FAM193B: variants seen among roughly 807,000 people sequenced by gnomAD.
The protein encoded by FAM193B is protein FAM193B.
A neutral mutation model predicts 70.7 loss-of-function variants in FAM193B; 27 were observed. The observed-to-expected ratio is 0.38, with a 90% CI of 0.28 to 0.53. The LOEUF is 0.53. FAM193B is among the 20% of genes least tolerant of loss of function. FAM193B has a pLI of 0.81. For synonymous variants in FAM193B, 448 were observed against 436.0 expected (o/e 1.03, Z -0.34); for missense variants, 1,022 against 1,072.5 (o/e 0.95, Z 0.66).
intron 5 of FAM193B, chr5:177,531,188 C>T: frequency 8.5e-7 from 1 of 1,172,590 alleles, no homozygotes; most frequent in Non-Finnish European, 1.1e-6. Context: ...AGGCCTTTGG[C>T]AGCCAGCATC....
chr5:177,531,175 C>G, intron 5 of FAM193B: 1 of 1,148,336 alleles, frequency 8.7e-7, no homozygotes, highest in Non-Finnish European at 1.1e-6. Flanking sequence ...GTGAGCCAAG[C>G]TGAGGCCTTT....
At position 177,524,308 on chromosome 5, in the gene FAM193B, C is replaced by A. The variant is rs1762246340; in HGVS notation, c.2173G>T (p.Ala725Ser). 6.3e-7 allele frequency: 1 copy of A among 1,585,098 alleles called. No individual in the cohort carries two copies. Among genetic ancestry groups the A allele is most frequent in the Non-Finnish European group, 8.6e-7 (1 of 1,165,500 alleles). The change falls in exon 6 of 9, where the codon GCA becomes TCA. Residue 725 changes from alanine to serine, a missense_variant. Ala to Ser is a moderately conservative substitution (Grantham distance 99). Transcript: ENST00000514747. ...SWRNWPGEAK[A>S]RPQEQESVQP... Reference sequence around the variant, plus strand: ...ACAGACTCCTGCTCCTGAGGCCGTGCCTTGGCCTCGCCTGGCCAGTTTCGC... The same window carrying A: ...ACAGACTCCTGCTCCTGAGGCCGTGACTTGGCCTCGCCTGGCCAGTTTCGC...
intron 1 of FAM193B, among the ~76,000 whole-genome samples, chr5:177,543,481 G>A (rs1765088131): frequency 6.6e-6 from 1 of 152,230 alleles, no homozygotes; most frequent in Non-Finnish European, 1.5e-5. Flanking sequence ...GTACACTTGA[G>A]TCCTTCTTTG....
At chr5:177,545,241 A>G (rs1744127270) in intron 1 of FAM193B, among the ~76,000 whole-genome samples, 1 of 152,004 alleles carries the variant, frequency 6.6e-6, no homozygotes, top group Non-Finnish European at 1.5e-5. Flanking sequence ...ACAGGGTTTC[A>G]CCATGTTGGC....
Position 177,544,144 on chromosome 5 carries a change from T to G in FAM193B, c.211-4997A>C, listed in dbSNP as rs78991052. On this transcript the variant is annotated intron_variant, in intron 1 of 8. Coordinates refer to ENST00000514747, the MANE Select transcript of FAM193B (RefSeq NM_001190946.3). Reference sequence around the variant, plus strand: ...TTCTTCACTCTAAGCATAACCAGAATCTCTGGAGAGTGTGAGATTACTCAC... The same window carrying G: ...TTCTTCACTCTAAGCATAACCAGAAGCTCTGGAGAGTGTGAGATTACTCAC... 3.4e-4 allele frequency among the ~76,000 whole-genome samples: 52 copies of G among 152,314 alleles called. No individual in the cohort carries two copies. In the East Asian group the frequency reaches 0.01, roughly 29 times the overall value.
rs1766751684 is a variant in FAM193B at position 177,554,283 on chromosome 5, T to C, written c.176A>G (p.Glu59Gly). The change falls in exon 1 of 9, where the codon GAG becomes GGG. Residue 59 changes from glutamate to glycine, a missense_variant. Glu to Gly is a moderately conservative substitution (Grantham distance 98). Coordinates refer to ENST00000514747, the MANE Select transcript of FAM193B (RefSeq NM_001190946.3). ...GGGCACCAGGTTGGGTTCGTCATCC[T>C]CCCTGGGGCCGTCGTGGTCGGGCTC... The part of the protein sequence containing the change: ...PAEPDHDGPR[E>G]DDEPNLVPGP... 1.4e-6 allele frequency: 2 copies of C among 1,418,132 alleles called. No homozygotes were observed. Among genetic ancestry groups the C allele is most frequent in the African/African-American group, 1.5e-5 (1 of 67,506 alleles). 87.8% of individuals were successfully genotyped at this position (1,418,132 alleles called of 1,614,324 possible).
At chr5:177,531,561 C>A in intron 5 of FAM193B, 1 of 1,233,350 alleles carries the variant, frequency 8.1e-7, no homozygotes, top group East Asian at 5.7e-5. Flanking sequence ...CACCCTGGGC[C>A]TGGGGGGCCC....
intron 1 of FAM193B, among the ~76,000 whole-genome samples, chr5:177,542,600 T>G (rs942354503): frequency 1.3e-5 from 2 of 152,250 alleles, no homozygotes; most frequent in African/African-American, 4.8e-5. Context: ...AAATAATCTC[T>G]GCCTTTTTCT....
intron 7 of FAM193B, 135 bp downstream of exon 7, chr5:177,523,822 G>T: frequency 1.1e-6 from 1 of 925,392 alleles, no homozygotes; most frequent in Non-Finnish European, 1.7e-6. Context: ...GAGGGCCTGG[G>T]GGGGCGGTGA....
intron 4 of FAM193B, among the ~76,000 whole-genome samples, chr5:177,535,735 T>TA (rs1764085154): frequency 6.6e-6 from 1 of 152,198 alleles, no homozygotes; most frequent in African/African-American, 2.4e-5. Flanking sequence ...GACATAATGT[T>TA]AAAAAATTAC....
intron 1 of FAM193B, among the ~76,000 whole-genome samples, chr5:177,548,546 C>T (rs778524310): frequency 6.6e-5 from 10 of 152,192 alleles, no homozygotes; most frequent in Non-Finnish European, 1.5e-4. Flanking sequence ...TCAAAGATCC[C>T]CCTGGCACCC....
intron 1 of FAM193B, among the ~76,000 whole-genome samples, chr5:177,550,970 T>C (rs1431295319): frequency 6.6e-6 from 1 of 151,546 alleles, no homozygotes; most frequent in African/African-American, 2.4e-5. Flanking sequence ...GCTGAGACTA[T>C]AGGTGTGAAC....
At chr5:177,548,105 C>CT (rs930603473) in intron 1 of FAM193B, among the ~76,000 whole-genome samples, 5 of 152,102 alleles carry the variant, frequency 3.3e-5, no homozygotes, top group South Asian at 2.1e-4. Flanking sequence ...TTTTTCTTCT[C>CT]TTTTTTTTAG....
rs1762237035 is a variant in FAM193B at position 177,524,274 on chromosome 5, G to A, written c.2207C>T (p.Ser736Leu). 1.3e-6 allele frequency: 2 copies of A among 1,577,736 alleles called. No individual in the cohort carries two copies. The highest frequency in any genetic ancestry group is 1.4e-5 in the African/African-American group (1 of 73,916). The change falls in exon 6 of 9, where the codon TCA (serine) becomes TTA (leucine). Residue 736 changes from serine (S) to leucine (L), a missense_variant. By Grantham distance (145) the Ser-to-Leu change is moderately radical. Coordinates refer to ENST00000514747, the MANE Select transcript of FAM193B (RefSeq NM_001190946.3). The stretch of plus-strand genomic sequence containing the variant: ...CAAGCTCTGTGGCCTTGCTGGGCCT[G>A]AGGGCTGCACAGACTCCTGCTCCTG... Reference protein sequence around the residue: ...RPQEQESVQPSGPARPQSLPQ... With the variant: ...RPQEQESVQPLGPARPQSLPQ...
chr5:177,538,788 T>A lies in FAM193B; in HGVS notation c.453+117A>T. The A allele has an allele frequency of 2.9e-6, 4 of 1,375,508 alleles. No homozygotes were observed. Among genetic ancestry groups the A allele is most frequent in the Non-Finnish European group, 4.0e-6 (4 of 1,004,288 alleles). The allele number at this position is 1,375,508 out of a possible 1,614,324, so 85.2% of individuals were successfully genotyped here. A position where few individuals can be genotyped will look rare whatever the true frequency, so the allele number is the denominator to read the frequency against. ...GCTGTGCCAGTGCAGCCCAGAAGTCTCTCAGTGCCTGGGCATGGGAGCTGC... is the reference window on the plus strand; with the variant it reads ...GCTGTGCCAGTGCAGCCCAGAAGTCACTCAGTGCCTGGGCATGGGAGCTGC... On this transcript the variant is annotated intron_variant, in intron 2 of 8. Coordinates refer to ENST00000514747, the MANE Select transcript of FAM193B (RefSeq NM_001190946.3). The surrounding 1 kb of genome is among the most constrained non-coding windows in gnomAD (Gnocchi z 4.1).
At chr5:177,543,029 C>T (rs551097157) in intron 1 of FAM193B, among the ~76,000 whole-genome samples, 1 of 152,286 alleles carries the variant, frequency 6.6e-6, no homozygotes, top group Admixed American at 6.5e-5. Context: ...GAGAAAGGCC[C>T]ATCTGTCCAC....
intron 5 of FAM193B, among the ~76,000 whole-genome samples, chr5:177,527,017 T>C (rs1012702432): frequency 6.6e-6 from 1 of 152,174 alleles, no homozygotes; most frequent in African/African-American, 2.4e-5. Flanking sequence ...GATCTGGGAA[T>C]CTAGAGGAGA....
intron 1 of FAM193B, among the ~76,000 whole-genome samples, chr5:177,545,658 CAAAA>C (rs35116415): frequency 8.4e-5 from 10 of 119,036 alleles, no homozygotes; most frequent in Admixed American, 1.7e-4. Flanking sequence ...GAGCCTGTCT[CAAAA>C]AAAAAAAAAA....
Position 177,530,791 on chromosome 5 carries a change from C to T in FAM193B, c.1275+1652G>A, listed in dbSNP as rs373753397. 3.3e-3 allele frequency among the ~76,000 whole-genome samples: 508 copies of T among 152,260 alleles called. 23 individuals are homozygous for T. The South Asian group carries it at 0.096, about 29-fold the overall frequency. ...GCTGTCAAGCTGCTGTGGAATGTGC[C>T]GTGCCTGCTGCCAGGAGGGCCCTCC... On this transcript the variant is annotated intron_variant, in intron 5 of 8. Coordinates refer to ENST00000514747, the MANE Select transcript of FAM193B (RefSeq NM_001190946.3).
Sources: gnomAD v4.1 joint callset for allele counts (sites outside exome capture counted in the v4.1 genomes callset) on GRCh38, gnomAD v4.1.1 for gene constraint, Gnocchi (gnomAD v3.1) non-coding constraint, MANE v1.5 for transcripts, NCBI Gene and HGNC (gene_info 2026-07-23, HGNC 2026-07-21) for gene names.